The following WSB2 variants were observed in gnomAD, a reference collection of about 807,000 sequenced individuals.
WSB2 encodes WD repeat and SOCS box containing 2, also known as WD repeat and SOCS box-containing protein 2.
Under a neutral mutation model 48.8 loss-of-function variants are expected in WSB2, and 12 were observed. The observed-to-expected ratio is 0.25, with a 90% CI of 0.16 to 0.40. WSB2 has a LOEUF of 0.40. Ranked by LOEUF, WSB2 falls within the 10% of genes least tolerant of loss-of-function variation. WSB2 has a pLI of 1.00. For synonymous variants in WSB2, 191 were observed against 203.1 expected (o/e 0.94, Z 0.51); for missense variants, 317 against 506.2 (o/e 0.63, Z 3.59).
At chr12:118,035,602 T>G in intron 6 of WSB2, 1 of 367,712 alleles carries the variant, frequency 2.7e-6, no homozygotes. Flanking sequence ...CAGTAGAAAC[T>G]GCAAGTCTTT....
chr12:118,032,854 A>G lies in WSB2; in HGVS notation c.*1342T>C, dbSNP rs2031394046. 1 of 152,042 alleles carries G rather than the reference A, an allele frequency of 6.6e-6. No individual in the cohort carries two copies. The highest frequency in any genetic ancestry group is 6.6e-5 in the Admixed American group (1 of 15,262). 9.4% of individuals were successfully genotyped at this position (152,042 alleles called of 1,614,324 possible). A position where few individuals can be genotyped will look rare whatever the true frequency, so the allele number is the denominator to read the frequency against. ...CGTCACACCCAGCCCTGCTTGTTTTAAAAGGGGACTTTTTTTTTTCTTAAT... is the reference window on the plus strand; with the variant it reads ...CGTCACACCCAGCCCTGCTTGTTTTGAAAGGGGACTTTTTTTTTTCTTAAT... On this transcript the variant is annotated 3_prime_UTR_variant, in exon 9 of 9. Coordinates refer to ENST00000315436, the MANE Select transcript of WSB2 (RefSeq NM_018639.5).
chr12:118,037,650 A>T (rs1041816940), intron 5 of WSB2, among the ~76,000 whole-genome samples: 1 of 151,506 alleles, frequency 6.6e-6, no homozygotes, highest in African/African-American at 2.4e-5. Context: ...CTTGGGCAAC[A>T]ACAGCGAAAC....
Position 118,038,337 on chromosome 12 carries a change from G to GA in WSB2, c.610dup (p.Ser204PhefsTer43). On this transcript the variant is annotated frameshift_variant, in exon 5 of 9. Transcript: ENST00000315436. LOFTEE classifies it high-confidence loss of function. ...CAGCATGCTGCAGTCTGGGGAGATG[G>GA]AACAGCAGTAAACCCACTGCAGGTG... 6.2e-7 allele frequency: 1 copy of GA among 1,614,132 alleles called. No homozygotes were observed. The highest frequency in any genetic ancestry group is 1.1e-5 in the South Asian group (1 of 91,074).
chr12:118,037,714 A>C (rs1173228231), intron 5 of WSB2, among the ~76,000 whole-genome samples: 3 of 151,860 alleles, frequency 2.0e-5, no homozygotes, highest in Non-Finnish European at 4.4e-5. Context: ...CCTCCAAACC[A>C]CAAAAATAAA....
Position 118,043,215 on chromosome 12 carries a change from G to A in WSB2, c.345C>T (p.His115=). 1 of 1,614,236 alleles carries A rather than the reference G, an allele frequency of 6.2e-7. No individual in the cohort carries two copies. The change falls in exon 3 of 9, where the codon CAC becomes CAT. Residue 115 remains histidine (H), a synonymous_variant. Coordinates refer to ENST00000315436, the MANE Select transcript of WSB2 (RefSeq NM_018639.5). ...PPSRKLWARH[H]PQVPDVSCLV... The stretch of plus-strand genomic sequence containing the variant: ...GGCAAGAGACATCGGGCACTTGGGG[G>A]TGGTGGCGTGCCCAGAGCTTCCTGC...
At chr12:118,034,381 G>C in intron 8 of WSB2, 23 bp from the exon 9 acceptor site, 1 of 1,610,678 alleles carries the variant, frequency 6.2e-7, no homozygotes, top group South Asian at 1.1e-5. Flanking sequence ...AGAAACCGAT[G>C]CTAAGACAGA....
chr12:118,061,354 G>A (rs2032062853), upstream of WSB2: 1 of 224,548 alleles, frequency 4.5e-6, no homozygotes, highest in Non-Finnish European at 7.3e-6. Flanking sequence ...GGGGAAACGG[G>A]GGCGGGGAAG....
At chr12:118,034,918 T>C (rs1351970104) in intron 8 of WSB2, 68 bp downstream of exon 8, 32 of 1,461,756 alleles carry the variant, frequency 2.2e-5, no homozygotes, top group Non-Finnish European at 3.8e-6. Context: ...ATGGTTTCTT[T>C]CCTTAAAAAG....
intron 2 of WSB2, among the ~76,000 whole-genome samples, chr12:118,050,163 C>T (rs751388570): frequency 6.6e-6 from 1 of 151,590 alleles, no homozygotes; most frequent in Non-Finnish European, 1.5e-5. Context: ...CCAGCCCGGG[C>T]GACAGAGCGA....
At chr12:118,053,212 A>G (rs2031888325) in intron 1 of WSB2, among the ~76,000 whole-genome samples, 1 of 152,056 alleles carries the variant, frequency 6.6e-6, no homozygotes, top group Non-Finnish European at 1.5e-5. Context: ...GACTTTCACC[A>G]CATGCCATCT....
rs77542352 is a variant in WSB2 at position 118,033,979 on chromosome 12, G to T, written c.*217C>A. ...AAATTTAACGTAAGGCTCTGTTGCC[G>T]TGCAAGTGGAATCTCTTCCTCTAAG... On this transcript the variant is annotated 3_prime_UTR_variant, in exon 9 of 9. Coordinates refer to ENST00000315436, the MANE Select transcript of WSB2 (RefSeq NM_018639.5). 2.7e-4 allele frequency: 158 copies of T among 593,848 alleles called. No homozygotes were observed. Among genetic ancestry groups the T allele is most frequent in the African/African-American group, 2.6e-3 (139 of 53,774 alleles). 36.8% of individuals were successfully genotyped at this position (593,848 alleles called of 1,614,324 possible). A position where few individuals can be genotyped will look rare whatever the true frequency, so the allele number is the denominator to read the frequency against.
Position 118,060,987 on chromosome 12 carries a change from C to G in WSB2, c.13+49G>C. ...TCGCCTCCCCCCTCCCCGGGGAGAA[C>G]GGGCCAGGGCCCCGCCGGGCGGGAA... On this transcript the variant is annotated intron_variant, in intron 1 of 8. Transcript: ENST00000315436. The surrounding 1 kb of genome is among the most constrained non-coding windows in gnomAD (Gnocchi z 4.1). 1.2e-6 allele frequency: 1 copy of G among 863,016 alleles called. No homozygotes were observed. Among genetic ancestry groups the G allele is most frequent in the Non-Finnish European group, 1.4e-6 (1 of 718,576 alleles). The allele number at this position is 863,016 out of a possible 1,614,324, so 53.5% of individuals were successfully genotyped here.
At chr12:118,059,399 G>C (rs2032021884) in intron 1 of WSB2, among the ~76,000 whole-genome samples, 1 of 152,066 alleles carries the variant, frequency 6.6e-6, no homozygotes, top group African/African-American at 2.4e-5. Flanking sequence ...GGCCTAGAGG[G>C]TGCCTGGCAC....
chr12:118,059,270 T>C (rs1263577521), intron 1 of WSB2, among the ~76,000 whole-genome samples: 2 of 152,212 alleles, frequency 1.3e-5, no homozygotes, highest in Non-Finnish European at 2.9e-5. Context: ...ATTTTAGACA[T>C]GTTGTATTGA....
intron 5 of WSB2, among the ~76,000 whole-genome samples, chr12:118,036,969 G>T (rs548508103): frequency 6.6e-6 from 1 of 152,186 alleles, no homozygotes; most frequent in East Asian, 1.9e-4. Context: ...ATCACATGAG[G>T]CCAGGAGTTC....
chr12:118,059,977 G>C (rs1157550439), intron 1 of WSB2, among the ~76,000 whole-genome samples: 2 of 152,192 alleles, frequency 1.3e-5, no homozygotes, highest in Non-Finnish European at 2.9e-5. Flanking sequence ...CTCCAGACCA[G>C]GATGAAGCTT....
rs61421772 is a variant in WSB2 at position 118,054,217 on chromosome 12, C to CAAAAA, written c.14-1744_14-1740dup. Among the ~76,000 whole-genome samples the CAAAAA allele has an allele frequency of 5.2e-3, 294 of 56,060 alleles. 7 individuals carry two copies. The highest frequency in any genetic ancestry group is 0.016 in the African/African-American group (224 of 14,284). The allele number at this position is 56,060 out of a possible 152,430, so 36.8% of individuals were successfully genotyped here. On this transcript the variant is annotated intron_variant, in intron 1 of 8. Transcript: ENST00000315436. Reference sequence around the variant, plus strand: ...TGAAACCATGTCTCTACTAAAAATCCAAAAAAAAAAAAAAAAAAAAAAAAT... The same window carrying CAAAAA: ...TGAAACCATGTCTCTACTAAAAATCCAAAAAAAAAAAAAAAAAAAAAAAAAAAAAT...
chr12:118,039,293 T>C (rs12309202), intron 4 of WSB2, among the ~76,000 whole-genome samples: 6,741 of 152,146 alleles, frequency 0.044, 496 homozygotes, highest in African/African-American at 0.15. Flanking sequence ...GCTCTTGCTT[T>C]AAAAATAAAA....
chr12:118,052,612 C>A, intron 1 of WSB2, 134 bp from the exon 2 acceptor site: 1 of 1,394,112 alleles, frequency 7.2e-7, no homozygotes, highest in Non-Finnish European at 9.7e-7. Context: ...CTTAAATGAC[C>A]CAGGGCAATA....
Sources: gnomAD v4.1 joint callset for allele counts (sites outside exome capture counted in the v4.1 genomes callset) on GRCh38, gnomAD v4.1.1 for gene constraint, Gnocchi (gnomAD v3.1) non-coding constraint, MANE v1.5 for transcripts, NCBI Gene and HGNC (gene_info 2026-07-23, HGNC 2026-07-21) for gene names.